The following PDE11A variants were observed in gnomAD, a reference collection of about 807,000 sequenced individuals.
The protein encoded by PDE11A is dual 3',5'-cyclic-AMP and -GMP phosphodiesterase 11A.
Under a neutral mutation model 100.5 loss-of-function variants are expected in PDE11A, and 100 were observed. That is an observed-to-expected ratio of 1.00 (90% CI 0.85 to 1.18). The LOEUF is 1.18. Ranked by LOEUF, PDE11A falls within the 50% of genes most tolerant of loss-of-function variation. The pLI is 0.00. For synonymous variants in PDE11A, 381 were observed against 420.8 expected (o/e 0.91, Z 1.16); for missense variants, 1,141 against 1,152.6 (o/e 0.99, Z 0.15).
At chr2:177,968,265 C>T (rs2085723932) in intron 2 of PDE11A, among the ~76,000 whole-genome samples, 1 of 152,164 alleles carries the variant, frequency 6.6e-6, no homozygotes, top group East Asian at 1.9e-4. Context: ...GGTTTATCAA[C>T]AGAAACATTT....
chr2:177,881,333 A>ATCTG (rs1205878909), intron 4 of PDE11A, among the ~76,000 whole-genome samples: 3 of 137,912 alleles, frequency 2.2e-5, no homozygotes, highest in African/African-American at 5.4e-5. Flanking sequence ...TCTATCTATC[A>ATCTG]TCTATCTGTC....
rs57168619 is a variant in PDE11A, at chr2:177,979,611, C to CTTTTTTTTTTTTT, written c.1071+34678_1071+34690dup. ...GTGTGAATGGATATCCTCAGATGAT[C>CTTTTTTTTTTTTT]TTTTTTTTTTTTTTTTTGAGACAGA... On this transcript the variant is annotated intron_variant, in intron 2 of 19. Coordinates refer to ENST00000286063, the MANE Select transcript of PDE11A (RefSeq NM_016953.4). 1.0e-4 allele frequency among the ~76,000 whole-genome samples: 11 copies of CTTTTTTTTTTTTT among 106,850 alleles called. 1 individual carries two copies. Among genetic ancestry groups the CTTTTTTTTTTTTT allele is most frequent in the African/African-American group, 1.7e-4 (4 of 23,872 alleles). 70.1% of individuals were successfully genotyped at this position (106,850 alleles called of 152,430 possible). A position where few individuals can be genotyped will look rare whatever the true frequency, so the allele number is the denominator to read the frequency against.
intron 13 of PDE11A, among the ~76,000 whole-genome samples, chr2:177,708,243 T>G (rs1307975213): frequency 4.0e-5 from 6 of 150,648 alleles, no homozygotes; most frequent in African/African-American, 1.5e-4. Context: ...GACATTTGAT[T>G]GAATTTTAAA....
intron 2 of PDE11A, among the ~76,000 whole-genome samples, chr2:177,906,563 T>C (rs2084792623): frequency 6.6e-6 from 1 of 152,156 alleles, no homozygotes; most frequent in African/African-American, 2.4e-5. Context: ...TTAAAGAAGA[T>C]AGAGAAACAA....
chr2:177,665,197 TG>T (rs2080551021), intron 18 of PDE11A, among the ~76,000 whole-genome samples: 1 of 151,674 alleles, frequency 6.6e-6, no homozygotes, highest in Non-Finnish European at 1.5e-5. Context: ...TAGAGCTGGC[TG>T]CGGTGGCTCA....
intron 9 of PDE11A, among the ~76,000 whole-genome samples, chr2:177,798,009 C>G (rs77368725): frequency 0.06 from 9,140 of 152,216 alleles, 488 homozygotes; most frequent in African/African-American, 0.14. Flanking sequence ...GATCTGACCC[C>G]GGGTAGCTCT....
At chr2:177,747,811 G>C (rs2081973049) in intron 10 of PDE11A, among the ~76,000 whole-genome samples, 1 of 152,128 alleles carries the variant, frequency 6.6e-6, no homozygotes, top group Non-Finnish European at 1.5e-5. Flanking sequence ...ACAAACAAGA[G>C]ATTGGCTGTG....
intron 2 of PDE11A, among the ~76,000 whole-genome samples, chr2:178,085,698 G>A (rs1370989338): frequency 6.6e-6 from 1 of 152,128 alleles, no homozygotes; most frequent in East Asian, 1.9e-4. Context: ...AGGGATTCAA[G>A]GGAAAATAGA....
chr2:178,090,219 T>C (rs941516252), intron 2 of PDE11A, among the ~76,000 whole-genome samples: 5 of 152,206 alleles, frequency 3.3e-5, no homozygotes, highest in African/African-American at 4.8e-5. Context: ...TTTATGTAAA[T>C]TCATCCTAAA....
intron 10 of PDE11A, among the ~76,000 whole-genome samples, 170 bp from the exon 11 acceptor site, chr2:177,728,342 A>G (rs2081633930): frequency 7.2e-6 from 1 of 138,858 alleles, no homozygotes; most frequent in Non-Finnish European, 1.6e-5. Context: ...TCTGAACTGC[A>G]AATGCCCCAA....
At chr2:177,793,616 C>T (rs1315304686) in intron 9 of PDE11A, among the ~76,000 whole-genome samples, 2 of 151,620 alleles carry the variant, frequency 1.3e-5, no homozygotes, top group Non-Finnish European at 2.9e-5. Flanking sequence ...GTCCCGGGTC[C>T]CGGTCCCTGA....
chr2:177,730,200 A>G (rs2081661876), intron 10 of PDE11A, among the ~76,000 whole-genome samples: 5 of 152,080 alleles, frequency 3.3e-5, no homozygotes, highest in Admixed American at 6.6e-5. Context: ...TACATTAGGT[A>G]TATCTCCTAA....
upstream of PDE11A, among the ~76,000 whole-genome samples, chr2:178,073,218 T>G (rs2087162410): frequency 6.6e-6 from 1 of 152,162 alleles, no homozygotes; most frequent in African/African-American, 2.4e-5. Flanking sequence ...TTTTCTGGGA[T>G]GTGACTGTGG....
Position 177,624,546 on chromosome 2 carries a change from A to G in PDE11A, c.*4861T>C, listed in dbSNP as rs1172103386. The G allele has an allele frequency of 1.3e-5, 2 of 152,220 alleles. No homozygotes were observed. Among genetic ancestry groups the G allele is most frequent in the East Asian group, 3.8e-4 (2 of 5,204 alleles). 9.4% of individuals were successfully genotyped at this position (152,220 alleles called of 1,614,324 possible). ...GCAACTGGATTCTGGCAGCATTAATATTAGATAATATTGTTATTACACTAA... is the reference window on the plus strand; with the variant it reads ...GCAACTGGATTCTGGCAGCATTAATGTTAGATAATATTGTTATTACACTAA... On this transcript the variant is annotated 3_prime_UTR_variant, in exon 20 of 20. Coordinates refer to ENST00000286063, the MANE Select transcript of PDE11A (RefSeq NM_016953.4).
intron 1 of PDE11A, among the ~76,000 whole-genome samples, chr2:178,015,284 C>A (rs1453884164): frequency 6.6e-6 from 1 of 152,090 alleles, no homozygotes; most frequent in Non-Finnish European, 1.5e-5. Context: ...CACAACATCA[C>A]CAAGAATACA....
chr2:177,879,641 A>T (rs979950193), intron 4 of PDE11A, among the ~76,000 whole-genome samples: 7 of 152,184 alleles, frequency 4.6e-5, no homozygotes, highest in African/African-American at 1.7e-4. Flanking sequence ...AAATGTGAGA[A>T]ATGTCCAGAG....
intron 2 of PDE11A, among the ~76,000 whole-genome samples, chr2:177,973,178 G>C (rs1028841636): frequency 6.8e-6 from 1 of 147,078 alleles, no homozygotes; most frequent in African/African-American, 2.5e-5. Flanking sequence ...TGAGGTACCG[G>C]GTTCATCTCA....
chr2:177,811,045 C>CTCT (rs2082942081), intron 9 of PDE11A, among the ~76,000 whole-genome samples: 1 of 152,254 alleles, frequency 6.6e-6, no homozygotes, highest in South Asian at 2.1e-4. Flanking sequence ...TGGCAAATTT[C>CTCT]TCTTCAGTAT....
At chr2:177,720,041 C>A (rs1294823167) in intron 12 of PDE11A, among the ~76,000 whole-genome samples, 1 of 151,928 alleles carries the variant, frequency 6.6e-6, no homozygotes, top group Non-Finnish European at 1.5e-5. Context: ...ATATCCCACT[C>A]ATGGGTGGAT....
Sources: gnomAD v4.1 joint callset for allele counts (sites outside exome capture counted in the v4.1 genomes callset) on GRCh38, gnomAD v4.1.1 for gene constraint, MANE v1.5 for transcripts, NCBI Gene and HGNC (gene_info 2026-07-23, HGNC 2026-07-21) for gene names.